NLRC5: variants seen among roughly 807,000 people sequenced by gnomAD.
The protein encoded by NLRC5 is NLR family CARD domain containing 5.
Under a neutral mutation model 206.9 loss-of-function variants are expected in NLRC5, and 114 were observed. That is an observed-to-expected ratio of 0.55 (90% CI 0.47 to 0.64). NLRC5 has a LOEUF of 0.64. Among genes scored for constraint, NLRC5 ranks in the 30% least tolerant of loss-of-function variants. The probability of loss-of-function intolerance (pLI) is 0.00; values close to 1 mark genes in which losing one functional copy is unlikely to be tolerated. For synonymous variants in NLRC5, 952 were observed against 962.8 expected (o/e 0.99, Z 0.21); for missense variants, 2,008 against 2,305.5 (o/e 0.87, Z 2.64).
At chr16:57,067,629 A>T in intron 35 of NLRC5, 107 bp from the exon 36 acceptor site, 29 of 1,349,168 alleles carry the variant, frequency 2.1e-5, no homozygotes, top group Non-Finnish European at 3.1e-5. Context: ...GGCTCAGGGG[A>T]GCTCTTGGGT....
rs765035595 is a variant in NLRC5, at chr16:57,020,909, C to T, written c.197C>T (p.Ser66Leu). Residue 66 changes from serine (S) to leucine (L), a missense_variant, in exon 3 of 49, where the codon TCG becomes TTG. Transcript: ENST00000688547. ...CTCAACAAGCTGCATGTCCAGGGTT[C>T]GGACACCTGGCAGTCTTTCATTCAT... ...LQLNKLHVQG[S>L]DTWQSFIHCV... The T allele has an allele frequency of 3.1e-6, 5 of 1,613,942 alleles. No homozygotes were observed. The highest frequency in any genetic ancestry group is 1.1e-5 in the South Asian group (1 of 91,066).
intron 10 of NLRC5, 40 bp from the exon 11 acceptor site, chr16:57,031,364 C>A (rs1180372710): frequency 1.2e-6 from 2 of 1,610,992 alleles, no homozygotes; most frequent in Admixed American, 3.3e-5. Flanking sequence ...GTGCTGGTTT[C>A]CAGTCTCTGG....
At chr16:56,992,955 G>A (rs2057090389) in intron 1 of NLRC5, among the ~76,000 whole-genome samples, 1 of 152,008 alleles carries the variant, frequency 6.6e-6, no homozygotes, top group South Asian at 2.1e-4. Context: ...CATTTGGAAA[G>A]ATATAATGAA....
At chr16:57,013,235 C>A in intron 1 of NLRC5, 1 of 512,094 alleles carries the variant, frequency 2.0e-6, no homozygotes, top group Non-Finnish European at 3.7e-6. Flanking sequence ...CTTGGTAAAG[C>A]CACATTCAAT....
In NLRC5 at chr16:57,022,239, T is replaced by C. The variant is rs764200186; in HGVS notation, c.296-17T>C. 2 of 1,607,190 alleles carry C rather than the reference T, an allele frequency of 1.2e-6. No individual in the cohort carries two copies. The highest frequency in any genetic ancestry group is 1.7e-6 in the Non-Finnish European group (2 of 1,174,528). On this transcript the variant is annotated splice_polypyrimidine_tract_variant and intron_variant, in intron 3 of 48. Transcript: ENST00000688547. ...TCGACAGCCCCATACCACATTATAC[T>C]CTCCCCTCTCTTGCAGGGTTCACCA...
At chr16:57,068,606 C>A (rs989686897) in intron 36 of NLRC5, among the ~76,000 whole-genome samples, 1 of 152,082 alleles carries the variant, frequency 6.6e-6, no homozygotes, top group Non-Finnish European at 1.5e-5. Flanking sequence ...AACATTTCAG[C>A]GAATTTGCTA....
chr16:57,018,961 G>T (rs1167276478), intron 2 of NLRC5, among the ~76,000 whole-genome samples: 1 of 152,154 alleles, frequency 6.6e-6, no homozygotes, highest in Non-Finnish European at 1.5e-5. Context: ...ATTAAATATT[G>T]TATATACGTT....
At chr16:57,013,573 T>C in intron 1 of NLRC5, 1 of 1,099,732 alleles carries the variant, frequency 9.1e-7, no homozygotes, top group Non-Finnish European at 1.4e-6. Flanking sequence ...GAATTTTAAG[T>C]ACCCAAAGTT....
chr16:57,026,208 A>G lies in NLRC5; in HGVS notation c.1265A>G (p.Asp422Gly). The change falls in exon 6 of 49, where the codon GAC becomes GGC. Residue 422 changes from aspartate (D) to glycine (G), a missense_variant. By Grantham distance (94) the Asp-to-Gly change is moderately conservative. Coordinates refer to ENST00000688547, the MANE Select transcript of NLRC5 (RefSeq NM_001384950.1). ...ACLCLHHLLP[D>G]HAPGQSVALL... The stretch of plus-strand genomic sequence containing the variant: ...CTCTGCCTCCACCATCTGCTTCCTG[A>G]CCACGCCCCAGGCCAGTCTGTGGCC... The G allele has an allele frequency of 6.2e-7, 1 of 1,613,550 alleles. No homozygotes were observed. The highest frequency in any genetic ancestry group is 1.3e-5 in the African/African-American group (1 of 74,966).
chr16:57,002,208 C>A (rs1387012577), intron 1 of NLRC5, among the ~76,000 whole-genome samples: 9 of 152,134 alleles, frequency 5.9e-5, no homozygotes, highest in Admixed American at 5.9e-4. Flanking sequence ...AGTGCAGTGG[C>A]ACGATCTTGG....
chr16:57,028,003 G>A (rs1014240592), intron 6 of NLRC5, 69 bp from the exon 7 acceptor site: 1 of 1,032,890 alleles, frequency 9.7e-7, no homozygotes, highest in Non-Finnish European at 1.5e-6. Flanking sequence ...ATCTCTCTGA[G>A]GGGATGGCGA....
chr16:57,074,620 A>G lies in NLRC5; in HGVS notation c.4688A>G (p.Asn1563Ser). Reference sequence around the variant, plus strand: ...TCCAGCCTCAGTCACCTTCTGCTGAACAGCTCCACCTTGGCCTTGCTTACT... The same window carrying G: ...TCCAGCCTCAGTCACCTTCTGCTGAGCAGCTCCACCTTGGCCTTGCTTACT... ...KRLDLSHLLL[N>S]SSTLALLTHR... is the part of the protein sequence containing the mutation. Residue 1563 changes from asparagine to serine, a missense_variant, in exon 39 of 49, where the codon AAC becomes AGC. By Grantham distance (46) the Asn-to-Ser change is conservative (BLOSUM62 1). Coordinates refer to ENST00000688547, the MANE Select transcript of NLRC5 (RefSeq NM_001384950.1). The G allele has an allele frequency of 6.2e-7, 1 of 1,613,924 alleles. No homozygotes were observed. The highest frequency in any genetic ancestry group is 8.5e-7 in the Non-Finnish European group (1 of 1,179,862).
intron 32 of NLRC5, chr16:57,062,167 G>C (rs1597407729): frequency 2.8e-6 from 2 of 702,810 alleles, no homozygotes; most frequent in Non-Finnish European, 4.4e-6. Context: ...AGCTGAAGCG[G>C]TTTCAAGTAA....
intron 15 of NLRC5, among the ~76,000 whole-genome samples, chr16:57,037,769 C>A (rs1172859603): frequency 6.6e-6 from 1 of 152,182 alleles, no homozygotes; most frequent in Non-Finnish European, 1.5e-5. Flanking sequence ...CACTAGGGAA[C>A]CCAATCCTAT....
chr16:57,035,226 CTT>C (rs1238800696), intron 13 of NLRC5, among the ~76,000 whole-genome samples: 1 of 152,134 alleles, frequency 6.6e-6, no homozygotes, highest in African/African-American at 2.4e-5. Flanking sequence ...AAACTATCCT[CTT>C]TTCCTCCACC....
Position 57,029,808 on chromosome 16 carries a change from T to A in NLRC5, c.2279T>A (p.Leu760Gln). ...RDNQLSDQVV[L>Q]NIVEVLPHLP... ...AACCAGCTCAGTGACCAGGTGGTGCTGAACATTGTGGAGGTTCTCCCTCAC... is the reference window on the plus strand; with the variant it reads ...AACCAGCTCAGTGACCAGGTGGTGCAGAACATTGTGGAGGTTCTCCCTCAC... Residue 760 changes from leucine (L) to glutamine (Q), a missense_variant, in exon 9 of 49, where the codon CTG becomes CAG. By Grantham distance (113) the Leu-to-Gln change is moderately radical. Coordinates refer to ENST00000688547, the MANE Select transcript of NLRC5 (RefSeq NM_001384950.1). 19 of 1,614,202 alleles carry A rather than the reference T, an allele frequency of 1.2e-5. No individual in the cohort carries two copies. Among genetic ancestry groups the A allele is most frequent in the Non-Finnish European group, 1.6e-5 (19 of 1,180,046 alleles).
At chr16:57,007,814 C>A (rs1259248052) in intron 1 of NLRC5, among the ~76,000 whole-genome samples, 1 of 152,084 alleles carries the variant, frequency 6.6e-6, no homozygotes, top group African/African-American at 2.4e-5. Context: ...AGGTCATTGG[C>A]TTTTTCAGTG....
At chr16:57,080,376 G>A (rs2068973587) in intron 46 of NLRC5, among the ~76,000 whole-genome samples, 1 of 151,482 alleles carries the variant, frequency 6.6e-6, no homozygotes, top group Admixed American at 6.6e-5. Flanking sequence ...CCAACTAGAA[G>A]TTAATACCAT....
chr16:57,021,891 G>T (rs956635707), intron 3 of NLRC5, among the ~76,000 whole-genome samples: 1 of 152,202 alleles, frequency 6.6e-6, no homozygotes, highest in Non-Finnish European at 1.5e-5. Flanking sequence ...AATTGCGGGG[G>T]GCGGGGCGGC....
Sources: gnomAD v4.1 joint callset for allele counts (sites outside exome capture counted in the v4.1 genomes callset) on GRCh38, gnomAD v4.1.1 for gene constraint, MANE v1.5 for transcripts, NCBI Gene and HGNC (gene_info 2026-07-23, HGNC 2026-07-21) for gene names.